Variants in HEATR9 observed in about 807,000 individuals in gnomAD.
The protein encoded by HEATR9 is HEAT repeat containing 9, also known as protein HEATR9.
HEATR9 carries 54 observed loss-of-function variants against 68.2 expected under a neutral mutation model. The ratio of observed to expected loss-of-function variants is 0.79; its 90% confidence interval spans 0.64 to 0.99. The LOEUF (loss-of-function observed/expected upper bound fraction) is 0.99, where lower values mean the gene tolerates loss of function less well. Ranked by LOEUF, HEATR9 falls within the 50% of genes least tolerant of loss-of-function variation. The pLI is 0.00. For synonymous variants in HEATR9, 241 were observed against 253.5 expected (o/e 0.95, Z 0.47); for missense variants, 662 against 679.7 (o/e 0.97, Z 0.29).
At chr17:35,862,906 G>A (rs1485114158) in intron 8 of HEATR9, 89 bp downstream of exon 8, 1 of 1,568,042 alleles carries the variant, frequency 6.4e-7, no homozygotes, top group Non-Finnish European at 8.8e-7. Flanking sequence ...GCTGTGCTAG[G>A]TTACCTTCTT....
intron 8 of HEATR9, among the ~76,000 whole-genome samples, chr17:35,862,148 G>T (rs1274970427): frequency 1.3e-5 from 2 of 151,908 alleles, no homozygotes; most frequent in East Asian, 3.9e-4. Flanking sequence ...CAACGTGCTG[G>T]GATTTGTGAG....
chr17:35,866,276 C>T (rs565975205), intron 2 of HEATR9, among the ~76,000 whole-genome samples: 1 of 150,384 alleles, frequency 6.6e-6, no homozygotes, highest in East Asian at 1.9e-4. Flanking sequence ...CAAAAAAATA[C>T]AAGGATGTCA....
rs1332086672 is a variant in HEATR9, at chr17:35,861,028, A to G, written c.757-1958T>C. 127 of 691,498 alleles carry G rather than the reference A, an allele frequency of 1.8e-4. 1 individual carries two copies. The highest frequency in any genetic ancestry group is 1.8e-3 in the South Asian group (124 of 68,604). 42.8% of individuals were successfully genotyped at this position (691,498 alleles called of 1,614,324 possible). On this transcript the variant is annotated intron_variant, in intron 8 of 14. Coordinates refer to ENST00000604834, the MANE Select transcript of HEATR9 (RefSeq NM_152781.4). ...GCCACTGCACTCCAGCTTGGGTGAC[A>G]GAGCGAGATTCGGTCTCAAAAAAAA...
chr17:35,860,219 C>T (rs1370245733), intron 8 of HEATR9, among the ~76,000 whole-genome samples: 1 of 147,782 alleles, frequency 6.8e-6, no homozygotes, highest in Non-Finnish European at 1.5e-5. Flanking sequence ...CCCATCTCTA[C>T]TAAAAATACA....
In HEATR9 at chr17:35,868,569, A is replaced by G. The variant is rs2088291388; in HGVS notation, c.88+86T>C. The G allele has an allele frequency of 3.8e-6, 6 of 1,589,242 alleles. No homozygotes were observed. The South Asian group carries it at 5.7e-5, about 15-fold the overall frequency. On this transcript the variant is annotated intron_variant, in intron 1 of 14. Coordinates refer to ENST00000604834, the MANE Select transcript of HEATR9 (RefSeq NM_152781.4). ...TCCCAAGGGTTTGCTGAACTCACCTAGACCCTTGCCTGGGAGTGAGAGCCA... is the reference window on the plus strand; with the variant it reads ...TCCCAAGGGTTTGCTGAACTCACCTGGACCCTTGCCTGGGAGTGAGAGCCA...
At chr17:35,859,772 C>T (rs1478850901) in intron 8 of HEATR9, among the ~76,000 whole-genome samples, 3 of 152,208 alleles carry the variant, frequency 2.0e-5, no homozygotes, top group African/African-American at 7.2e-5. Context: ...CTCATATAGA[C>T]CCTTAATGCT....
In HEATR9 at chr17:35,863,354, C is replaced by T. The variant is rs975608961; in HGVS notation, c.625+148G>A. 5.1e-6 allele frequency: 5 copies of T among 989,872 alleles called. No homozygotes were observed. In the African/African-American group the frequency reaches 6.4e-5, roughly 13 times the overall value. The allele number at this position is 989,872 out of a possible 1,614,324, so 61.3% of individuals were successfully genotyped here. On this transcript the variant is annotated intron_variant, in intron 7 of 14. Transcript: ENST00000604834. ...TTTTCCCTTTTCACCCCACCTTCCT[C>T]TCTTGGTTCAACATAACTGGGATAG...
At chr17:35,857,768 GAAAA>G (rs928334363) in intron 11 of HEATR9, among the ~76,000 whole-genome samples, 1 of 151,186 alleles carries the variant, frequency 6.6e-6, no homozygotes, top group South Asian at 2.1e-4. Context: ...CAAAAAAAAA[GAAAA>G]AAAATATAAC....
In HEATR9 at chr17:35,858,878, C is replaced by G; in HGVS notation, c.939+10G>C. On this transcript the variant is annotated intron_variant, in intron 9 of 14. Coordinates refer to ENST00000604834, the MANE Select transcript of HEATR9 (RefSeq NM_152781.4). ...TTTCCCCAGGGATCCCAGCCTCCTG[C>G]CCCTCACACCTTCATCCGCTGGGTC... The G allele has an allele frequency of 1.2e-6, 2 of 1,611,722 alleles. No individual in the cohort carries two copies. Among genetic ancestry groups the G allele is most frequent in the Non-Finnish European group, 8.5e-7 (1 of 1,178,916 alleles).
chr17:35,859,356 A>G (rs1390727480), intron 8 of HEATR9, among the ~76,000 whole-genome samples: 1 of 152,052 alleles, frequency 6.6e-6, no homozygotes, highest in African/African-American at 2.4e-5. Context: ...CTCCTCCAAT[A>G]TCCTTGTCCT....
chr17:35,855,563 C>T lies in HEATR9; in HGVS notation c.1365+101G>A, dbSNP rs1199446241. 4 of 1,322,964 alleles carry T rather than the reference C, an allele frequency of 3.0e-6. No individual in the cohort carries two copies. In the South Asian group the frequency reaches 4.8e-5, roughly 16 times the overall value. 82.0% of individuals were successfully genotyped at this position (1,322,964 alleles called of 1,614,324 possible). A position where few individuals can be genotyped will look rare whatever the true frequency, so the allele number is the denominator to read the frequency against. ...AGGGACAGTGTCTAAGGGCTCATGA[C>T]CCTCTCCTCCTGACAAGGAGCAAAT... On this transcript the variant is annotated intron_variant, in intron 14 of 14. Coordinates refer to ENST00000604834, the MANE Select transcript of HEATR9 (RefSeq NM_152781.4).
chr17:35,856,234 A>G lies in HEATR9; in HGVS notation c.1227-10T>C. 6.2e-7 allele frequency: 1 copy of G among 1,614,100 alleles called. No homozygotes were observed. Among genetic ancestry groups the G allele is most frequent in the Non-Finnish European group, 8.5e-7 (1 of 1,179,980 alleles). ...TGGGTTCATCAGTTGTCTGTGTAGAAGGGAGTGAGTATGTTATAGTTGAAT... is the reference window on the plus strand; with the variant it reads ...TGGGTTCATCAGTTGTCTGTGTAGAGGGGAGTGAGTATGTTATAGTTGAAT... On this transcript the variant is annotated splice_polypyrimidine_tract_variant and intron_variant, in intron 12 of 14. Transcript: ENST00000604834.
In HEATR9 at chr17:35,856,755, A is replaced by T; in HGVS notation, c.1203T>A (p.Pro401=). 1 of 1,606,264 alleles carries T rather than the reference A, an allele frequency of 6.2e-7. No individual in the cohort carries two copies. The highest frequency in any genetic ancestry group is 8.5e-7 in the Non-Finnish European group (1 of 1,176,336). Residue 401 remains proline (P), a synonymous_variant, in exon 12 of 15, where the codon CCT becomes CCA. Transcript: ENST00000604834. The part of the protein sequence containing the change: ...AQTVEELKLK[P]TMMNLVEAQL... ...ACGCCTCCACCAAGTTCATCATCGTAGGCTTCAACTTGAGCTCTTCCACAG... is the reference window on the plus strand; with the variant it reads ...ACGCCTCCACCAAGTTCATCATCGTTGGCTTCAACTTGAGCTCTTCCACAG...
chr17:35,858,157 A>T, intron 11 of HEATR9, 43 bp downstream of exon 11: 2 of 1,613,066 alleles, frequency 1.2e-6, no homozygotes, highest in Non-Finnish European at 1.7e-6. Context: ...GAAAAGAGAA[A>T]GGTTTGGGTG....
intron 8 of HEATR9, among the ~76,000 whole-genome samples, chr17:35,862,717 A>T (rs137994914): frequency 1.3e-5 from 2 of 152,348 alleles, no homozygotes; most frequent in East Asian, 3.9e-4. Context: ...AAAGTCGAAA[A>T]ATCGTAAGTC....
chr17:35,866,659 G>C, intron 2 of HEATR9, 65 bp downstream of exon 2: 1 of 1,448,896 alleles, frequency 6.9e-7, no homozygotes, highest in Non-Finnish European at 9.7e-7. Context: ...TAATGGGAAG[G>C]GATAGTTTGC....
At chr17:35,856,147 G>T in intron 13 of HEATR9, 26 bp downstream of exon 13, 2 of 1,609,706 alleles carry the variant, frequency 1.2e-6, no homozygotes, top group Non-Finnish European at 1.7e-6. Flanking sequence ...ACAGGAATTG[G>T]GTCAGAGAAG....
chr17:35,861,309 C>A, intron 8 of HEATR9: 1 of 1,399,222 alleles, frequency 7.1e-7, no homozygotes, highest in Non-Finnish European at 1.0e-6. Flanking sequence ...TAGTTTTATT[C>A]CATAGCTCTT....
intron 6 of HEATR9, chr17:35,863,785 A>G (rs539472072): frequency 6.7e-6 from 4 of 600,920 alleles, no homozygotes; most frequent in Non-Finnish European, 1.2e-5. Flanking sequence ...TCTTGTAGCC[A>G]CTTGGCCCTG....
Sources: gnomAD v4.1 joint callset for allele counts (sites outside exome capture counted in the v4.1 genomes callset) on GRCh38, gnomAD v4.1.1 for gene constraint, MANE v1.5 for transcripts, NCBI Gene and HGNC (gene_info 2026-07-23, HGNC 2026-07-21) for gene names.